The following UGGT1 variants were observed in gnomAD, a reference collection of about 807,000 sequenced individuals.
UGGT1 encodes UDP-glucose glycoprotein glucosyltransferase 1.
A neutral mutation model predicts 203.9 loss-of-function variants in UGGT1; 107 were observed. That is an observed-to-expected ratio of 0.52 (90% CI 0.45 to 0.62). UGGT1 has a LOEUF of 0.62. UGGT1 is among the 20% of genes least tolerant of loss of function. The pLI is 0.00. For synonymous variants in UGGT1, 628 were observed against 653.5 expected, an observed-to-expected ratio of 0.96 and a Z score of 0.59; for missense variants, 1,673 against 1,867.2, an observed-to-expected ratio of 0.90 and a Z score of 1.92.
intron 5 of UGGT1, among the ~76,000 whole-genome samples, chr2:128,112,135 T>C (rs1340683711): frequency 6.6e-6 from 1 of 150,630 alleles, no homozygotes; most frequent in Non-Finnish European, 1.5e-5. Context: ...TAACATATTA[T>C]ATTGGCCAGG....
Position 128,104,087 on chromosome 2 carries a change from T to C in UGGT1, c.277+73T>C, listed in dbSNP as rs868484172. ...TTAGGAAAAAATTGTCTCTTTATAG[T>C]ATGTGTGGCATGGCAGTTAATGGAA... On this transcript the variant is annotated intron_variant, in intron 3 of 40. Coordinates refer to ENST00000259253, the MANE Select transcript of UGGT1 (RefSeq NM_020120.4). 2.9e-5 allele frequency: 34 copies of C among 1,178,284 alleles called. 1 individual carries two copies. In the Middle Eastern group the frequency reaches 3.6e-3, roughly 126 times the overall value. The allele number at this position is 1,178,284 out of a possible 1,614,324, so 73.0% of individuals were successfully genotyped here.
intron 1 of UGGT1, 112 bp from the exon 2 acceptor site, chr2:128,097,317 A>C (rs915678159): frequency 7.9e-7 from 1 of 1,264,566 alleles, no homozygotes. Flanking sequence ...CAGAGGTTGC[A>C]TGAGCCGAGA....
At chr2:128,178,382 A>C in intron 33 of UGGT1, 86 bp from the exon 34 acceptor site, 40 of 1,071,888 alleles carry the variant, frequency 3.7e-5, no homozygotes, top group Non-Finnish European at 4.9e-5. Flanking sequence ...AAGGATGGGA[A>C]GCGCAGTCTC....
At chr2:128,178,794 C>T (rs190255645) in intron 34 of UGGT1, among the ~76,000 whole-genome samples, 1 of 152,288 alleles carries the variant, frequency 6.6e-6, no homozygotes, top group Non-Finnish European at 1.5e-5. Context: ...AAGGCTGCAG[C>T]CCTTTAACGT....
In UGGT1 at chr2:128,159,604, G is replaced by T; in HGVS notation, c.2446G>T (p.Ala816Ser). ...ENTQISRAIW[A>S]ALQTQTSNAA... Reference sequence around the variant, plus strand: ...CACTCAGATCTCCAGAGCAATCTGGGCAGCTCTCCAAACTCAGACTTCCAA... The same window carrying T: ...CACTCAGATCTCCAGAGCAATCTGGTCAGCTCTCCAAACTCAGACTTCCAA... Residue 816 changes from alanine (A) to serine (S), a missense_variant, in exon 23 of 41, where the codon GCA becomes TCA. Ala to Ser is a moderately conservative substitution (Grantham distance 99, BLOSUM62 1). Around this residue, in one of 4 missense-constraint regions of UGGT1, gnomAD observed 1,073 missense variants for 1,078.7 expected, o/e 0.99. Coordinates refer to ENST00000259253, the MANE Select transcript of UGGT1 (RefSeq NM_020120.4). 1 of 1,614,144 alleles carries T rather than the reference G, an allele frequency of 6.2e-7. No individual in the cohort carries two copies. The highest frequency in any genetic ancestry group is 8.5e-7 in the Non-Finnish European group (1 of 1,180,028).
At chr2:128,111,833 A>G (rs961506911) in intron 5 of UGGT1, among the ~76,000 whole-genome samples, 6 of 151,314 alleles carry the variant, frequency 4.0e-5, no homozygotes, top group South Asian at 4.2e-4. Context: ...ATCATATTCT[A>G]TTTATATGGT....
chr2:128,147,965 T>G (rs1008404857), intron 18 of UGGT1, among the ~76,000 whole-genome samples: 3 of 152,240 alleles, frequency 2.0e-5, no homozygotes, highest in African/African-American at 7.2e-5. Flanking sequence ...AATAATATAA[T>G]GTGACACTTC....
chr2:128,117,995 A>T (rs1005092839), intron 8 of UGGT1, among the ~76,000 whole-genome samples: 44 of 75,274 alleles, frequency 5.8e-4, no homozygotes, highest in East Asian at 3.5e-3. Flanking sequence ...TGTGTGTGTG[A>T]GAGAGAGAGA....
Position 128,134,960 on chromosome 2 carries a change from A to G in UGGT1, c.1582A>G (p.Arg528Gly), listed in dbSNP as rs1373791371. 6.2e-7 allele frequency: 1 copy of G among 1,610,836 alleles called. No individual in the cohort carries two copies. Among genetic ancestry groups the G allele is most frequent in the Admixed American group, 1.7e-5 (1 of 60,006 alleles). ...GTTCCTTAGTAATCATATACCACTA[A>G]GGTAACACTGGTATTGATTTGATGA... Reference protein sequence around the residue: ...EMFLSNHIPLRIGFIFVVNDS... With the variant: ...EMFLSNHIPLGIGFIFVVNDS... Residue 528 changes from arginine (R) to glycine (G), a missense_variant and splice_region_variant, in exon 15 of 41, where the codon AGA (arginine) becomes GGA (glycine). This residue lies in a region of UGGT1 where 1,073 missense variants were observed against 1,078.7 expected (regional missense o/e 0.99). Transcript: ENST00000259253.
intron 37 of UGGT1, 36 bp from the exon 38 acceptor site, chr2:128,183,639 A>G (rs1186704721): frequency 2.0e-6 from 3 of 1,503,110 alleles, no homozygotes; most frequent in Admixed American, 3.4e-5. Context: ...GTCGTAATCC[A>G]TGGTTGGTTG....
intron 12 of UGGT1, among the ~76,000 whole-genome samples, chr2:128,128,089 A>G (rs1373991500): frequency 1.3e-5 from 2 of 151,920 alleles, no homozygotes. Context: ...ACAAAAAACA[A>G]AAAAAAACTG....
chr2:128,103,164 C>T, intron 2 of UGGT1: 1 of 468,112 alleles, frequency 2.1e-6, no homozygotes, highest in Admixed American at 2.4e-5. Flanking sequence ...AGATCCAGAT[C>T]TGTAGTTTGC....
chr2:128,178,639 G>A, intron 34 of UGGT1, 70 bp downstream of exon 34: 1 of 1,375,396 alleles, frequency 7.3e-7, no homozygotes, highest in Non-Finnish European at 1.0e-6. Flanking sequence ...AGAGAGGAAA[G>A]GTTTTGTGGG....
At position 128,145,875 on chromosome 2, in the gene UGGT1, G is replaced by A; in HGVS notation, c.1924G>A (p.Glu642Lys). 1 of 1,614,098 alleles carries A rather than the reference G, an allele frequency of 6.2e-7. No individual in the cohort carries two copies. The highest frequency in any genetic ancestry group is 8.5e-7 in the Non-Finnish European group (1 of 1,179,976). ...TGTGCTGTTCAATGGAATGCCCTTT[G>A]AAAGGGAACAGCTAGACCCTGATGA... ...PVVLFNGMPF[E>K]REQLDPDELE... The change falls in exon 18 of 41, where the codon GAA becomes AAA. Residue 642 changes from glutamate to lysine, a missense_variant. Around this residue, in one of 4 missense-constraint regions of UGGT1, gnomAD observed 1,073 missense variants for 1,078.7 expected, o/e 0.99. Coordinates refer to ENST00000259253, the MANE Select transcript of UGGT1 (RefSeq NM_020120.4).
In UGGT1 at chr2:128,159,670, G is replaced by T. The variant is rs1690429616; in HGVS notation, c.2512G>T (p.Ala838Ser). The T allele has an allele frequency of 6.2e-7, 1 of 1,613,910 alleles. No homozygotes were observed. The highest frequency in any genetic ancestry group is 1.3e-5 in the African/African-American group (1 of 74,916). ...NFITKMAKEG[A>S]AEALAAGADI... ...CATCACCAAAATGGCCAAGGAGGGG[G>T]CTGCAGAGGCCCTGGCTGCAGGAGC... Residue 838 changes from alanine to serine, a missense_variant, in exon 23 of 41, where the codon GCT becomes TCT. Around this residue, in one of 4 missense-constraint regions of UGGT1, gnomAD observed 1,073 missense variants for 1,078.7 expected, o/e 0.99. Coordinates refer to ENST00000259253, the MANE Select transcript of UGGT1 (RefSeq NM_020120.4).
chr2:128,134,579 T>G (rs994103812), intron 14 of UGGT1, among the ~76,000 whole-genome samples: 1 of 152,072 alleles, frequency 6.6e-6, no homozygotes, highest in Non-Finnish European at 1.5e-5. Flanking sequence ...TTTTTTAAGG[T>G]GAGAGAGTTG....
chr2:128,193,175 CAAAAAAAAAAAAAAAA>C lies in UGGT1; in HGVS notation c.*3446_*3461del, dbSNP rs1172802172. On this transcript the variant is annotated 3_prime_UTR_variant, in exon 41 of 41. Transcript: ENST00000259253. Reference sequence around the variant, plus strand: ...CTGGCAATAGAGCGAGACTCCGTCTCAAAAAAAAAAAAAAAAAAAAAAAAAAAATTAAAACAGTTTC... The same window carrying C: ...CTGGCAATAGAGCGAGACTCCGTCTCAAAAAAAAAAAATTAAAACAGTTTC... 5.0e-3 allele frequency: 295 copies of C among 58,856 alleles called. 3 individuals are homozygous for C. Among genetic ancestry groups the C allele is most frequent in the African/African-American group, 0.018 (275 of 15,094 alleles). 3.6% of individuals were successfully genotyped at this position (58,856 alleles called of 1,614,324 possible). A position where few individuals can be genotyped will look rare whatever the true frequency, so the allele number is the denominator to read the frequency against.
intron 12 of UGGT1, 57 bp downstream of exon 12, chr2:128,127,509 A>C: frequency 7.9e-7 from 1 of 1,273,780 alleles, no homozygotes; most frequent in Non-Finnish European, 1.1e-6. Flanking sequence ...GCACCTTGTA[A>C]CATGTTCATA....
intron 19 of UGGT1, among the ~76,000 whole-genome samples, chr2:128,153,284 AAT>A (rs1248342480): frequency 1.3e-5 from 2 of 152,200 alleles, no homozygotes; most frequent in African/African-American, 2.4e-5. Flanking sequence ...AATGTCAACA[AAT>A]ATCTCAGTGA....
Sources: gnomAD v4.1 joint callset for allele counts (sites outside exome capture counted in the v4.1 genomes callset) on GRCh38, gnomAD v4.1.1 for gene constraint, gnomAD v4.1.1 regional missense constraint, MANE v1.5 for transcripts, NCBI Gene and HGNC (gene_info 2026-07-23, HGNC 2026-07-21) for gene names.